STRBP: variants seen among roughly 807,000 people sequenced by gnomAD.
STRBP encodes the protein spermatid perinuclear RNA binding protein, also known as spermatid perinuclear RNA-binding protein.
A neutral mutation model predicts 80.1 loss-of-function variants in STRBP; 13 were observed. The observed-to-expected ratio is 0.16, with a 90% CI of 0.11 to 0.26. The LOEUF (loss-of-function observed/expected upper bound fraction) is 0.26, where lower values mean the gene tolerates loss of function less well. Among genes scored for constraint, STRBP ranks in the 10% least tolerant of loss-of-function variants. The pLI is 1.00. For missense variants in STRBP, 485 were observed against 815.2 expected, an observed-to-expected ratio of 0.59 and a Z score of 4.93; for synonymous variants, 284 against 291.2, an observed-to-expected ratio of 0.98 and a Z score of 0.25.
chr9:123,240,840 G>A (rs1259319645), intron 1 of STRBP, among the ~76,000 whole-genome samples: 68 of 152,020 alleles, frequency 4.5e-4, no homozygotes, highest in Non-Finnish European at 1.9e-4. Flanking sequence ...ACCTCCGCCT[G>A]GACTCCAAAC....
At chr9:123,193,475 C>T (rs1426825076) in intron 2 of STRBP, among the ~76,000 whole-genome samples, 1 of 152,160 alleles carries the variant, frequency 6.6e-6, no homozygotes, top group Admixed American at 6.5e-5. Flanking sequence ...ATCCCCCAAA[C>T]CCTATCCCAT....
chr9:123,214,778 C>G (rs190446258), intron 2 of STRBP, among the ~76,000 whole-genome samples: 1 of 152,244 alleles, frequency 6.6e-6, no homozygotes. Flanking sequence ...TATGAATGAA[C>G]AAATATGAAA....
chr9:123,266,288 T>C (rs1368686487), intron 1 of STRBP, among the ~76,000 whole-genome samples: 1 of 152,048 alleles, frequency 6.6e-6, no homozygotes, highest in Non-Finnish European at 1.5e-5. Flanking sequence ...CAGCTCTCCC[T>C]TACCCCTTCC....
intron 2 of STRBP, among the ~76,000 whole-genome samples, chr9:123,185,388 G>A (rs891234561): frequency 2.0e-5 from 3 of 152,000 alleles, no homozygotes; most frequent in African/African-American, 4.8e-5. Context: ...GCAACAGAGC[G>A]ATACCCTATC....
At chr9:123,160,256 G>T in intron 8 of STRBP, 111 bp downstream of exon 8, 1 of 602,356 alleles carries the variant, frequency 1.7e-6, no homozygotes, top group Non-Finnish European at 2.7e-6. Flanking sequence ...CATACATAAT[G>T]CATGCCTTAG....
At chr9:123,161,730 TTAAAAA>T (rs2037530900) in intron 6 of STRBP, among the ~76,000 whole-genome samples, 1 of 152,234 alleles carries the variant, frequency 6.6e-6, no homozygotes, top group Admixed American at 6.5e-5. Flanking sequence ...TACATGCCTT[TTAAAAA>T]TAAAAAGCAA....
At chr9:123,161,384 C>A (rs2037516448) in intron 6 of STRBP, among the ~76,000 whole-genome samples, 1 of 152,062 alleles carries the variant, frequency 6.6e-6, no homozygotes, top group South Asian at 2.1e-4. Flanking sequence ...TTACAGGGCA[C>A]AAAATAAGTA....
intron 8 of STRBP, 39 bp from the exon 9 acceptor site, chr9:123,159,246 G>A (rs771566765): frequency 2.1e-6 from 3 of 1,397,274 alleles, no homozygotes; most frequent in Non-Finnish European, 3.0e-6. Context: ...CATGCACCAA[G>A]TGTTAAAAGG....
chr9:123,267,968 C>T (rs141163084), intron 1 of STRBP, among the ~76,000 whole-genome samples: 1 of 151,668 alleles, frequency 6.6e-6, no homozygotes, highest in East Asian at 2.0e-4. Context: ...TCCATTGGGC[C>T]GGATCCCTCT....
chr9:123,160,544 G>A, intron 7 of STRBP, 82 bp from the exon 8 acceptor site: 1 of 1,016,932 alleles, frequency 9.8e-7, no homozygotes, highest in Non-Finnish European at 1.4e-6. Context: ...TGAATACTAA[G>A]TAGCAAATTA....
chr9:123,139,015 A>T (rs2036477629), intron 14 of STRBP, among the ~76,000 whole-genome samples: 1 of 152,190 alleles, frequency 6.6e-6, no homozygotes, highest in African/African-American at 2.4e-5. Flanking sequence ...TGCGACAATA[A>T]GTTCCAGTCG....
Position 123,146,971 on chromosome 9 carries a change from A to T in STRBP, c.1222T>A (p.Ser408Thr), listed in dbSNP as rs1340316020. ...IRPGLQYKLL[S>T]QSGPVHAPVF... ...GGGGCATGAACGGGGCCAGACTGAG[A>T]TAGGAGCTTATACTGAAGCCCAGGC... Residue 408 changes from serine (S) to threonine (T), a missense_variant, in exon 13 of 19, where the codon TCT becomes ACT. Ser to Thr is a moderately conservative substitution (Grantham distance 58). Coordinates refer to ENST00000348403, the MANE Select transcript of STRBP (RefSeq NM_018387.5). 2 of 1,613,998 alleles carry T rather than the reference A, an allele frequency of 1.2e-6. No homozygotes were observed. The highest frequency in any genetic ancestry group is 2.7e-5 in the African/African-American group (2 of 74,918).
intron 4 of STRBP, 116 bp downstream of exon 4, chr9:123,178,891 C>T: frequency 1.2e-6 from 1 of 832,774 alleles, no homozygotes; most frequent in Admixed American, 2.3e-5. Flanking sequence ...TGGTTATAGT[C>T]TCACATATGC....
downstream of STRBP, chr9:123,109,502 A>G (rs1400620296): frequency 6.6e-6 from 1 of 152,248 alleles, no homozygotes; most frequent in East Asian, 1.9e-4. Flanking sequence ...ACTGTGTGTG[A>G]CAGAAGCATT....
chr9:123,208,544 A>G (rs547780967), intron 2 of STRBP, among the ~76,000 whole-genome samples: 8 of 152,302 alleles, frequency 5.3e-5, no homozygotes, highest in African/African-American at 1.4e-4. Context: ...TGGGCCACAC[A>G]GTCTCTGTGG....
At chr9:123,164,803 C>A (rs1185544478) in intron 6 of STRBP, among the ~76,000 whole-genome samples, 1 of 152,176 alleles carries the variant, frequency 6.6e-6, no homozygotes, top group Non-Finnish European at 1.5e-5. Flanking sequence ...TTGAAGCTTT[C>A]TGGAGAGAAG....
At chr9:123,265,205 T>A (rs1332559430) in intron 1 of STRBP, among the ~76,000 whole-genome samples, 2 of 152,164 alleles carry the variant, frequency 1.3e-5, no homozygotes, top group African/African-American at 4.8e-5. Context: ...TTTTTTTTAA[T>A]ATTTATATTA....
Position 123,249,077 on chromosome 9 carries a change from A to T in STRBP, c.-301-12111T>A, listed in dbSNP as rs1305605180. Among the ~76,000 whole-genome samples, 6 of 152,220 alleles carry T rather than the reference A, an allele frequency of 3.9e-5. No homozygotes were observed. In the South Asian group the frequency reaches 1.2e-3, roughly 32 times the overall value. On this transcript the variant is annotated intron_variant, in intron 1 of 18. Coordinates refer to ENST00000348403, the MANE Select transcript of STRBP (RefSeq NM_018387.5). ...TCCATTTCATAGTAATTTCCAGATT[A>T]TCTCTTATTAAGGCTGTAGGCCAAG...
intron 2 of STRBP, among the ~76,000 whole-genome samples, chr9:123,222,917 T>C (rs1481565040): frequency 6.6e-6 from 1 of 151,518 alleles, no homozygotes; most frequent in Non-Finnish European, 1.5e-5. Flanking sequence ...TCATCAGAAC[T>C]GGAAGCAAAA....
Sources: allele counts gnomAD v4.1 joint callset (sites outside exome capture counted in the v4.1 genomes callset), GRCh38; gene constraint gnomAD v4.1.1; transcripts MANE v1.5; gene names NCBI Gene and HGNC (gene_info 2026-07-23, HGNC 2026-07-21).